The following RPS4X variants were observed in gnomAD, a reference collection of about 807,000 sequenced individuals.
RPS4X encodes small ribosomal subunit protein eS4, X isoform.
For synonymous variants in RPS4X, 76 were observed against 76.8 expected (o/e 0.99, Z 0.06); for missense variants, 90 against 219.1 (o/e 0.41, Z 3.72).
intron 6 of RPS4X, 97 bp from the exon 7 acceptor site, chrX:72,272,869 G>T: frequency 1.7e-6 from 1 of 592,282 alleles, no homozygotes; most frequent in Non-Finnish European, 2.7e-6. Context: ...CAGAACTGAA[G>T]CCTGTTTGTG....
chrX:72,273,712 T>C (rs2147625308), intron 5 of RPS4X, 89 bp downstream of exon 5: 1 of 775,526 alleles, frequency 1.3e-6, no homozygotes. Flanking sequence ...TTGGAGCAGA[T>C]GGTTTTTAAT....
chrX:72,277,175 G>C lies in RPS4X; in HGVS notation c.3+18C>G. 1 of 1,210,476 alleles carries C rather than the reference G, an allele frequency of 8.3e-7. No homozygotes were observed. The highest frequency in any genetic ancestry group is 1.1e-6 in the Non-Finnish European group (1 of 894,456). On this transcript the variant is annotated intron_variant, in intron 1 of 6. Coordinates refer to ENST00000316084, the MANE Select transcript of RPS4X (RefSeq NM_001007.5). ...GGAGGCGGATACGTCCTAAGAGCTC[G>C]CTAACTAAACGGCTTACCATGGCTG...
Position 72,272,359 on chromosome X carries a change from G to T in RPS4X, c.*312C>A. 1 of 234,983 alleles carries T rather than the reference G, an allele frequency of 4.3e-6. No homozygotes were observed. Among genetic ancestry groups the T allele is most frequent in the Non-Finnish European group, 7.6e-6 (1 of 131,190 alleles). 19.4% of individuals were successfully genotyped at this position (234,983 alleles called of 1,213,427 possible). On this transcript the variant is annotated 3_prime_UTR_variant, in exon 7 of 7. Transcript: ENST00000316084. ...TTAACAGGGCAGAGGGGTCCACTGT[G>T]TAGAGAAGTTCTTGGCCAAGTCAAG...
intron 5 of RPS4X, 86 bp from the exon 6 acceptor site, chrX:72,273,475 CT>C (rs2043189000): frequency 2.0e-5 from 18 of 901,628 alleles, no homozygotes; most frequent in Non-Finnish European, 2.7e-5. Context: ...TTTATTCCTC[CT>C]TTCCCCCCAT....
Position 72,273,889 on chromosome X carries a change from G to C in RPS4X, c.444C>G (p.Arg148=). 1 of 1,205,909 alleles carries C rather than the reference G, an allele frequency of 8.3e-7. No homozygotes were observed. Among genetic ancestry groups the C allele is most frequent in the Non-Finnish European group, 1.1e-6 (1 of 890,606 alleles). ...HLVTHDARTI[R]YPDPLIKVND... is the part of the protein sequence containing the mutation. ...TCACCTTGATGAGGGGATCGGGGTA[G>C]CGGATGGTGCGGGCATCATGAGTCA... The change falls in exon 5 of 7, where the codon CGC becomes CGG. Residue 148 remains arginine (R), a synonymous_variant. Transcript: ENST00000316084.
Position 72,273,193 on chromosome X carries a change from T to A in RPS4X, c.690+39A>T, listed in dbSNP as rs201008965. On this transcript the variant is annotated intron_variant, in intron 6 of 6. Coordinates refer to ENST00000316084, the MANE Select transcript of RPS4X (RefSeq NM_001007.5). ...ATCCCAGCAGCCACCTGCATTTACA[T>A]ATTTCCTCAGACTAGAGAGAAGGAA... 41 of 1,158,250 alleles carry A rather than the reference T, an allele frequency of 3.5e-5. No individual in the cohort carries two copies. In the African/African-American group the frequency reaches 6.6e-4, roughly 19 times the overall value.
chrX:72,277,182 A>G lies in RPS4X; in HGVS notation c.3+11T>C, dbSNP rs770441448. The G allele has an allele frequency of 1.7e-6, 2 of 1,209,753 alleles. No homozygotes were observed. The highest frequency in any genetic ancestry group is 2.2e-6 in the Non-Finnish European group (2 of 894,632). ...GATACGTCCTAAGAGCTCGCTAACT[A>G]AACGGCTTACCATGGCTGCGTTAGG... On this transcript the variant is annotated intron_variant, in intron 1 of 6. Transcript: ENST00000316084.
In RPS4X at chrX:72,273,783, A is replaced by G; in HGVS notation, c.532+18T>C. 8.4e-7 allele frequency: 1 copy of G among 1,196,700 alleles called. No individual in the cohort carries two copies. Among genetic ancestry groups the G allele is most frequent in the Non-Finnish European group, 1.1e-6 (1 of 882,438 alleles). ...TAGGCCTTAAAGAGGGTGCCCAGGT[A>G]GCACAGAGGATGCTTACCAGTGTCG... On this transcript the variant is annotated intron_variant, in intron 5 of 6. Transcript: ENST00000316084.
chrX:72,273,666 G>C (rs1461359385), intron 5 of RPS4X, 135 bp downstream of exon 5: 2 of 538,591 alleles, frequency 3.7e-6, no homozygotes, highest in Non-Finnish European at 6.1e-6. Flanking sequence ...AGTATTCTGA[G>C]CATTTGTGCC....
In RPS4X at chrX:72,273,877, G is replaced by A. The variant is rs1223485324; in HGVS notation, c.456C>T (p.Pro152=). Residue 152 remains proline, a synonymous_variant, in exon 5 of 7, where the codon CCC becomes CCT. Transcript: ENST00000316084. ...GAATGGTATCATTCACCTTGATGAG[G>A]GGATCGGGGTAGCGGATGGTGCGGG... ...HDARTIRYPD[P]LIKVNDTIQI... 1 of 1,202,489 alleles carries A rather than the reference G, an allele frequency of 8.3e-7. No individual in the cohort carries two copies. The highest frequency in any genetic ancestry group is 1.8e-5 in the African/African-American group (1 of 56,834).
At chrX:72,273,173 A>G in intron 6 of RPS4X, 59 bp downstream of exon 6, 1 of 1,100,510 alleles carries the variant, frequency 9.1e-7, no homozygotes. Context: ...CTACAATCCC[A>G]GCAGCCACCT....
intron 2 of RPS4X, 149 bp from the exon 3 acceptor site, chrX:72,275,873 A>C (rs1015027462): frequency 3.9e-6 from 2 of 508,536 alleles, no homozygotes; most frequent in African/African-American, 4.8e-5. Flanking sequence ...AAAGCATCCA[A>C]AACTATTTCA....
At position 72,272,635 on chromosome X, in the gene RPS4X, C is replaced by T. The variant is rs750393551; in HGVS notation, c.*36G>A. The stretch of plus-strand genomic sequence containing the variant: ...AATCCTGCCACAATATTTTTAATTA[C>T]GTACAAAGATCTGACATGTCACCCA... On this transcript the variant is annotated 3_prime_UTR_variant, in exon 7 of 7. Coordinates refer to ENST00000316084, the MANE Select transcript of RPS4X (RefSeq NM_001007.5). The T allele has an allele frequency of 5.2e-6, 5 of 957,348 alleles. No individual in the cohort carries two copies. Among genetic ancestry groups the T allele is most frequent in the East Asian group, 3.1e-5 (1 of 32,315 alleles). The allele number at this position is 957,348 out of a possible 1,213,427, so 78.9% of individuals were successfully genotyped here.
rs754507296 is a variant in RPS4X at position 72,275,992 on chromosome X, C to CA, written c.81+164dup. 4.5e-5 allele frequency among the ~76,000 whole-genome samples: 5 copies of CA among 111,662 alleles called. No individual in the cohort carries two copies. In the East Asian group the frequency reaches 1.4e-3, roughly 31 times the overall value. On this transcript the variant is annotated intron_variant, in intron 2 of 6. Coordinates refer to ENST00000316084, the MANE Select transcript of RPS4X (RefSeq NM_001007.5). ...TGTGGTATGTGGAATAAATGAGGCACAAAAATATTAAATCGATTGGAAGTG... is the reference window on the plus strand; with the variant it reads ...TGTGGTATGTGGAATAAATGAGGCACAAAAAATATTAAATCGATTGGAAGTG...
chrX:72,275,875 A>G (rs1481653015), intron 2 of RPS4X, 151 bp from the exon 3 acceptor site: 7 of 502,028 alleles, frequency 1.4e-5, no homozygotes, highest in Non-Finnish European at 2.0e-5. Context: ...AGCATCCAAA[A>G]CTATTTCATA....
intron 1 of RPS4X, among the ~76,000 whole-genome samples, chrX:72,276,807 A>G (rs2043206444): frequency 8.9e-6 from 1 of 112,666 alleles, no homozygotes; most frequent in Admixed American, 9.3e-5. Context: ...CGTATGGTAA[A>G]GTCAGGCCGT....
At chrX:72,274,534 AAAAC>A (rs1569494288) in intron 4 of RPS4X, 1 of 323,921 alleles carries the variant, frequency 3.1e-6, no homozygotes, top group Non-Finnish European at 6.1e-6. Flanking sequence ...TAAAACCATC[AAAAC>A]AAACTGGATT....
intron 1 of RPS4X, among the ~76,000 whole-genome samples, chrX:72,276,964 C>T (rs1446736239): frequency 8.9e-6 from 1 of 112,207 alleles, no homozygotes; most frequent in African/African-American, 3.2e-5. Context: ...GACGTATGGC[C>T]GGGTCAGAAA....
chrX:72,275,444 AC>A, intron 3 of RPS4X, 99 bp downstream of exon 3: 1 of 670,400 alleles, frequency 1.5e-6, no homozygotes, highest in Non-Finnish European at 2.3e-6. Flanking sequence ...TGTTTCTGAG[AC>A]TTGACAGATT....
Sources: gnomAD v4.1 joint callset for allele counts (sites outside exome capture counted in the v4.1 genomes callset) on GRCh38, gnomAD v4.1.1 for gene constraint, MANE v1.5 for transcripts, NCBI Gene and HGNC (gene_info 2026-07-23, HGNC 2026-07-21) for gene names.